The following KCNAB1 variants were observed in gnomAD, a reference collection of about 807,000 sequenced individuals.
KCNAB1 encodes the protein voltage-gated potassium channel subunit beta-1.
KCNAB1 carries 35 observed loss-of-function variants against 64.6 expected under a neutral mutation model. That is an observed-to-expected ratio of 0.54 (90% confidence interval 0.41 to 0.72). The LOEUF (loss-of-function observed/expected upper bound fraction) is 0.72. KCNAB1 is among the 30% of genes least tolerant of loss of function. The pLI is 0.00. For missense variants in KCNAB1, 401 were observed against 512.9 expected (o/e 0.78, Z 2.11); for synonymous variants, 177 against 183.8 (o/e 0.96, Z 0.30).
intron 1 of KCNAB1, among the ~76,000 whole-genome samples, chr3:156,272,468 A>G (rs188390815): frequency 3.0e-3 from 453 of 152,092 alleles, no homozygotes; most frequent in African/African-American, 0.01. Flanking sequence ...CAGGCAGACG[A>G]GTCTCGCCAT....
chr3:156,518,290 C>T (rs1717688787), intron 11 of KCNAB1, among the ~76,000 whole-genome samples: 1 of 152,096 alleles, frequency 6.6e-6, no homozygotes, highest in Non-Finnish European at 1.5e-5. Context: ...TTCTTTAGAG[C>T]TCTGCAGACT....
chr3:156,418,055 T>C (rs1455696211), intron 1 of KCNAB1, among the ~76,000 whole-genome samples: 2 of 152,252 alleles, frequency 1.3e-5, no homozygotes, highest in East Asian at 3.8e-4. Context: ...TATTTTGAGT[T>C]GAACAGGAGC....
intron 1 of KCNAB1, among the ~76,000 whole-genome samples, chr3:156,402,184 T>C (rs1263982499): frequency 6.6e-6 from 1 of 150,958 alleles, no homozygotes; most frequent in Non-Finnish European, 1.5e-5. Context: ...AAAGAAAAAG[T>C]GTTGTGGGTG....
intron 1 of KCNAB1, among the ~76,000 whole-genome samples, chr3:156,345,730 A>G (rs1212062062): frequency 6.6e-6 from 1 of 152,244 alleles, no homozygotes; most frequent in African/African-American, 2.4e-5. Context: ...GAACTGATTC[A>G]GAAGTACAGT....
intron 1 of KCNAB1, among the ~76,000 whole-genome samples, chr3:156,304,492 T>C (rs554426874): frequency 6.6e-6 from 1 of 152,374 alleles, no homozygotes; most frequent in Non-Finnish European, 1.5e-5. Flanking sequence ...TCAGACAGCT[T>C]CTGGCCTACT....
At chr3:156,354,134 A>T (rs1325124169) in intron 1 of KCNAB1, among the ~76,000 whole-genome samples, 1 of 144,366 alleles carries the variant, frequency 6.9e-6, no homozygotes, top group Non-Finnish European at 1.5e-5. Context: ...ATATATATAT[A>T]TATATATATG....
chr3:156,466,901 G>T (rs1405872051), intron 7 of KCNAB1, among the ~76,000 whole-genome samples: 3 of 151,996 alleles, frequency 2.0e-5, no homozygotes, highest in Non-Finnish European at 4.4e-5. Context: ...TTGCAGTAAA[G>T]AAAAATGTTA....
intron 1 of KCNAB1, among the ~76,000 whole-genome samples, chr3:156,248,814 G>A (rs768886289): frequency 6.6e-6 from 1 of 152,134 alleles, no homozygotes; most frequent in East Asian, 1.9e-4. Context: ...GAAGCTCCAC[G>A]TGATATGAGC....
chr3:156,300,801 A>G (rs1025530431), intron 1 of KCNAB1, among the ~76,000 whole-genome samples: 5 of 152,200 alleles, frequency 3.3e-5, no homozygotes, highest in African/African-American at 9.7e-5. Flanking sequence ...TGGGTTAAAG[A>G]AATATGAAAA....
chr3:156,367,041 A>G (rs1450111), intron 1 of KCNAB1, among the ~76,000 whole-genome samples: 41,294 of 152,116 alleles, frequency 0.27, 7,143 homozygotes, highest in African/African-American at 0.5. Context: ...GTACCTGGGC[A>G]GGTTGATTAG....
chr3:156,398,660 T>G (rs560154153), intron 1 of KCNAB1, among the ~76,000 whole-genome samples: 2 of 151,534 alleles, frequency 1.3e-5, no homozygotes, highest in African/African-American at 4.8e-5. Context: ...TGTATACCTA[T>G]GTAACAGTGT....
At chr3:156,302,947 C>T (rs1560184252) in intron 1 of KCNAB1, among the ~76,000 whole-genome samples, 1 of 152,288 alleles carries the variant, frequency 6.6e-6, no homozygotes, top group African/African-American at 2.4e-5. Flanking sequence ...GATGAAGCAG[C>T]GCATTCCCAG....
At chr3:156,388,970 G>T (rs190433100) in intron 1 of KCNAB1, among the ~76,000 whole-genome samples, 1 of 152,198 alleles carries the variant, frequency 6.6e-6, no homozygotes, top group East Asian at 1.9e-4. Context: ...AAGAGAGACT[G>T]GGCTGTGATG....
At chr3:156,182,709 T>TTTA in intron 1 of KCNAB1, among the ~76,000 whole-genome samples, 1 of 151,002 alleles carries the variant, frequency 6.6e-6, no homozygotes, top group East Asian at 1.9e-4. Context: ...TTTTTTTTTT[T>TTTA]TTTTATTTTG....
At chr3:156,167,824 TG>T (rs1427465945) in intron 1 of KCNAB1, among the ~76,000 whole-genome samples, 2 of 152,190 alleles carry the variant, frequency 1.3e-5, no homozygotes, top group Non-Finnish European at 2.9e-5. Flanking sequence ...CTGAGTTATT[TG>T]GGGCACAGCC....
In KCNAB1 at chr3:156,452,930, A is replaced by G. The variant is rs779058541; in HGVS notation, c.351A>G (p.Ser117=). 6.2e-7 allele frequency: 1 copy of G among 1,604,232 alleles called. No homozygotes were observed. ...GTWVTFGGQI[S]DEVAERLMTI... is the part of the protein sequence containing the mutation. Reference sequence around the variant, plus strand: ...GGGTGACATTTGGAGGTCAAATTTCAGATGAGGTAAGTTACCTTTGGCCTC... The same window carrying G: ...GGGTGACATTTGGAGGTCAAATTTCGGATGAGGTAAGTTACCTTTGGCCTC... The change falls in exon 3 of 14, where the codon TCA becomes TCG. Residue 117 remains serine, a synonymous_variant. Transcript: ENST00000490337. The surrounding 1 kb of genome is among the most constrained non-coding windows in gnomAD (Gnocchi z 4.6).
intron 1 of KCNAB1, among the ~76,000 whole-genome samples, chr3:156,123,027 A>C (rs776332130): frequency 6.6e-6 from 1 of 152,162 alleles, no homozygotes; most frequent in Non-Finnish European, 1.5e-5. Flanking sequence ...AAGTCACCCA[A>C]ATTTTTCTTT....
chr3:156,300,190 G>A (rs888969746), intron 1 of KCNAB1, among the ~76,000 whole-genome samples: 4 of 151,980 alleles, frequency 2.6e-5, no homozygotes, highest in African/African-American at 7.3e-5. Flanking sequence ...GTTCTACTAC[G>A]AAACCATCCA....
chr3:156,300,930 A>T (rs914193739), intron 1 of KCNAB1, among the ~76,000 whole-genome samples: 2 of 152,222 alleles, frequency 1.3e-5, no homozygotes, highest in Non-Finnish European at 1.5e-5. Flanking sequence ...TTTTTAACAT[A>T]GGAGGTTTAA....
Sources: allele counts gnomAD v4.1 joint callset (sites outside exome capture counted in the v4.1 genomes callset), GRCh38; gene constraint gnomAD v4.1.1; non-coding constraint Gnocchi (gnomAD v3.1); transcripts MANE v1.5; gene names NCBI Gene and HGNC (gene_info 2026-07-23, HGNC 2026-07-21).